DMXL2: variants seen among roughly 807,000 people sequenced by gnomAD.
The protein encoded by DMXL2 is Dmx like 2, also known as dmX-like protein 2.
A neutral mutation model predicts 331.1 loss-of-function variants in DMXL2; 103 were observed. That is an observed-to-expected ratio of 0.31 (90% CI 0.27 to 0.37). The LOEUF (loss-of-function observed/expected upper bound fraction) is 0.37. DMXL2 is among the 10% of genes least tolerant of loss of function. DMXL2 has a pLI of 1.00. For synonymous variants in DMXL2, 1,281 were observed against 1,252.1 expected (o/e 1.02, Z -0.49); for missense variants, 3,171 against 3,642.9 (o/e 0.87, Z 3.33).
rs1401203933 is a variant in DMXL2 at position 51,622,755 on chromosome 15, C to T, written c.-210G>A. On this transcript the variant is annotated 5_prime_UTR_variant, in exon 1 of 44. Transcript: ENST00000560891. ...CGACCGCCGCCGCCGCCCGGGTCGC[C>T]GCTCAGCTGCGGAAATGCCCGGATG... is the stretch of plus-strand genomic sequence containing the variant. 1.2e-5 allele frequency: 11 copies of T among 885,286 alleles called. No individual in the cohort carries two copies. Among genetic ancestry groups the T allele is most frequent in the South Asian group, 1.8e-5 (1 of 55,064 alleles). 54.8% of individuals were successfully genotyped at this position (885,286 alleles called of 1,614,324 possible).
chr15:51,564,078 G>A (rs1196111123), intron 5 of DMXL2, 47 bp downstream of exon 5: 1 of 1,533,960 alleles, frequency 6.5e-7, no homozygotes, highest in Non-Finnish European at 8.7e-7. Context: ...ATTTTAGGAA[G>A]CACTTGCTTT....
At position 51,450,360 on chromosome 15, in the gene DMXL2, ACAT is replaced by A; in HGVS notation, c.8750-17_8750-15del. 6.2e-7 allele frequency: 1 copy of A among 1,612,780 alleles called. No homozygotes were observed. On this transcript the variant is annotated splice_polypyrimidine_tract_variant and intron_variant, in intron 42 of 43. Transcript: ENST00000560891. ...GGCACGTGAAACCTGAAGAAGAAAAACATCAGAGAATTTCTCAAAACAATTTCT... is the reference window on the plus strand; with the variant it reads ...GGCACGTGAAACCTGAAGAAGAAAAACAGAGAATTTCTCAAAACAATTTCT...
chr15:51,598,938 T>C (rs2053030558), intron 1 of DMXL2, among the ~76,000 whole-genome samples: 1 of 152,262 alleles, frequency 6.6e-6, no homozygotes, highest in Non-Finnish European at 1.5e-5. Flanking sequence ...GTTTTAGTAC[T>C]ACTATGATGG....
intron 13 of DMXL2, among the ~76,000 whole-genome samples, chr15:51,523,107 A>G (rs569450060): frequency 1.5e-4 from 23 of 152,368 alleles, no homozygotes; most frequent in African/African-American, 5.0e-4. Flanking sequence ...TCTACTAAAA[A>G]TCTCATTTAA....
chr15:51,474,255 A>G, intron 28 of DMXL2, 89 bp downstream of exon 28: 2 of 1,313,762 alleles, frequency 1.5e-6, no homozygotes, highest in Non-Finnish European at 2.1e-6. Context: ...GCTTATTTTC[A>G]AAGTGAAATT....
intron 1 of DMXL2, among the ~76,000 whole-genome samples, chr15:51,593,692 G>A (rs1197769712): frequency 1.3e-5 from 2 of 152,182 alleles, no homozygotes; most frequent in Non-Finnish European, 2.9e-5. Flanking sequence ...AAATGGAAAA[G>A]AACAGAAATT....
chr15:51,472,495 G>C (rs1037948435), intron 28 of DMXL2, among the ~76,000 whole-genome samples: 3 of 151,966 alleles, frequency 2.0e-5, no homozygotes, highest in East Asian at 1.9e-4. Flanking sequence ...ACCCCAAAAG[G>C]AAACACTATA....
At chr15:51,575,405 G>A (rs930286865) in intron 2 of DMXL2, among the ~76,000 whole-genome samples, 2 of 152,110 alleles carry the variant, frequency 1.3e-5, no homozygotes, top group South Asian at 2.1e-4. Flanking sequence ...CATTCAACTC[G>A]GCTACATAAT....
At chr15:51,556,216 G>A (rs1169405191) in intron 6 of DMXL2, among the ~76,000 whole-genome samples, 6 of 151,874 alleles carry the variant, frequency 4.0e-5, no homozygotes, top group South Asian at 4.2e-4. Context: ...GGTGGCGGGC[G>A]CCTGTAGTCC....
intron 1 of DMXL2, among the ~76,000 whole-genome samples, chr15:51,603,878 AG>A (rs2053399708): frequency 1.3e-5 from 2 of 152,070 alleles, no homozygotes; most frequent in Non-Finnish European, 1.5e-5. Flanking sequence ...AAAAAAAAAA[AG>A]AAAAGGACAA....
At chr15:51,505,976 T>C (rs980689593) in intron 16 of DMXL2, among the ~76,000 whole-genome samples, 3 of 152,264 alleles carry the variant, frequency 2.0e-5, no homozygotes, top group African/African-American at 7.2e-5. Flanking sequence ...ATTTCTTTGC[T>C]TCATACTACA....
At position 51,586,983 on chromosome 15, in the gene DMXL2, T is replaced by TAA. The variant is rs34212997; in HGVS notation, c.88-10804_88-10803dup. Reference sequence around the variant, plus strand: ...CAAAGTATTCATTGTCAAAAATCTCTAAAAAAAAAAAAAATCAATACTGTA... The same window carrying TAA: ...CAAAGTATTCATTGTCAAAAATCTCTAAAAAAAAAAAAAAAATCAATACTGTA... On this transcript the variant is annotated intron_variant, in intron 1 of 43. Transcript: ENST00000560891. Among the ~76,000 whole-genome samples, 1,375 of 144,352 alleles carry TAA rather than the reference T, an allele frequency of 9.5e-3. 30 individuals are homozygous for TAA. The highest frequency in any genetic ancestry group is 0.032 in the African/African-American group (1,253 of 39,464). 94.7% of individuals were successfully genotyped at this position (144,352 alleles called of 152,430 possible).
At position 51,448,232 on chromosome 15, in the gene DMXL2, GA is replaced by G. The variant is rs1324324342; in HGVS notation, c.*751del. On this transcript the variant is annotated 3_prime_UTR_variant, in exon 44 of 44. Transcript: ENST00000560891. ...GTGTTTAACCTTGAATACACGAAAA[GA>G]AAAAGTACTAAACTGGACTAAGAAG... 6.6e-6 allele frequency: 1 copy of G among 152,540 alleles called. No individual in the cohort carries two copies. Among genetic ancestry groups the G allele is most frequent in the East Asian group, 1.9e-4 (1 of 5,200 alleles). The allele number at this position is 152,540 out of a possible 1,614,324, so 9.4% of individuals were successfully genotyped here. A position where few individuals can be genotyped will look rare whatever the true frequency, so the allele number is the denominator to read the frequency against.
chr15:51,596,046 C>T (rs1217988728), intron 1 of DMXL2, among the ~76,000 whole-genome samples: 1 of 152,152 alleles, frequency 6.6e-6, no homozygotes, highest in Non-Finnish European at 1.5e-5. Context: ...AAAGCAGTGG[C>T]AACAAAAGCC....
At chr15:51,596,495 T>C (rs563935901) in intron 1 of DMXL2, among the ~76,000 whole-genome samples, 27 of 152,324 alleles carry the variant, frequency 1.8e-4, no homozygotes, top group African/African-American at 6.0e-4. Flanking sequence ...AGTTCGACCA[T>C]TGTGGAAGTC....
At chr15:51,517,222 A>C (rs568043916) in intron 13 of DMXL2, 55 bp from the exon 14 acceptor site, 12 of 1,318,376 alleles carry the variant, frequency 9.1e-6, no homozygotes, top group African/African-American at 1.4e-5. Flanking sequence ...TCTAATGTCA[A>C]TATGATACAG....
chr15:51,532,779 A>T (rs1193146856), intron 13 of DMXL2, among the ~76,000 whole-genome samples: 1 of 152,176 alleles, frequency 6.6e-6, no homozygotes, highest in Non-Finnish European at 1.5e-5. Flanking sequence ...ATCCAATCTC[A>T]CTTCTTATTC....
rs769000903 is a variant in DMXL2, at chr15:51,465,552, A to G, written c.7606+14T>C. Reference sequence around the variant, plus strand: ...TTATACTTAATAACATTAATTTTTAAATTCCAAACTCACCAGAGAATTCCA... The same window carrying G: ...TTATACTTAATAACATTAATTTTTAGATTCCAAACTCACCAGAGAATTCCA... On this transcript the variant is annotated intron_variant, in intron 31 of 43. Transcript: ENST00000560891. 4 of 1,563,248 alleles carry G rather than the reference A, an allele frequency of 2.6e-6. No individual in the cohort carries two copies. Among genetic ancestry groups the G allele is most frequent in the Non-Finnish European group, 3.5e-6 (4 of 1,144,602 alleles).
At chr15:51,455,094 C>T (rs1020930201) in intron 40 of DMXL2, 57 bp downstream of exon 40, 17 of 1,362,520 alleles carry the variant, frequency 1.2e-5, no homozygotes, top group African/African-American at 8.6e-5. Flanking sequence ...CTGAAACAGA[C>T]ACTTCATGAA....
Sources: allele counts gnomAD v4.1 joint callset (sites outside exome capture counted in the v4.1 genomes callset), GRCh38; gene constraint gnomAD v4.1.1; transcripts MANE v1.5; gene names NCBI Gene and HGNC (gene_info 2026-07-23, HGNC 2026-07-21).